The following TAFA5 variants were observed in gnomAD, a reference collection of about 807,000 sequenced individuals.
TAFA5 encodes chemokine-like protein TAFA-5.
In TAFA5, 6 loss-of-function variants were observed where a neutral mutation model predicts 15.3. The observed-to-expected ratio is 0.39, with a 90% CI of 0.21 to 0.77. The LOEUF is 0.77. Ranked by LOEUF, TAFA5 falls within the 30% of genes least tolerant of loss-of-function variation. The pLI is 0.41. For missense variants in TAFA5, 161 were observed against 193.1 expected, an observed-to-expected ratio of 0.83 and a Z score of 0.98; for synonymous variants, 103 against 80.7, an observed-to-expected ratio of 1.28 and a Z score of -1.48.
intron 2 of TAFA5, among the ~76,000 whole-genome samples, chr22:48,659,106 C>T (rs1167052619): frequency 2.6e-5 from 4 of 152,226 alleles, no homozygotes; most frequent in African/African-American, 4.8e-5. Context: ...CTGGACCCCG[C>T]GGCGGAGGAT....
chr22:48,670,151 G>A (rs544750099), intron 2 of TAFA5, among the ~76,000 whole-genome samples: 3 of 152,322 alleles, frequency 2.0e-5, no homozygotes, highest in South Asian at 2.1e-4. Flanking sequence ...CGGGCTGTGC[G>A]TGTGCTTAGG....
chr22:48,508,500 C>T (rs752894486), intron 1 of TAFA5, among the ~76,000 whole-genome samples: 104 of 152,260 alleles, frequency 6.8e-4, no homozygotes, highest in Admixed American at 1.9e-3. Flanking sequence ...AGGCGGTGGG[C>T]GCCCTGAGGC....
At chr22:48,586,467 A>G (rs1924365434) in intron 1 of TAFA5, among the ~76,000 whole-genome samples, 1 of 152,158 alleles carries the variant, frequency 6.6e-6, no homozygotes, top group Non-Finnish European at 1.5e-5. Flanking sequence ...TGATAAAAGG[A>G]GTGGAAGCCC....
intron 1 of TAFA5, among the ~76,000 whole-genome samples, chr22:48,582,789 C>G (rs1262805470): frequency 6.7e-6 from 1 of 149,292 alleles, no homozygotes; most frequent in Non-Finnish European, 1.5e-5. Context: ...ACACCACACA[C>G]AAAATACACC....
chr22:48,517,574 T>A (rs9615915), intron 1 of TAFA5, among the ~76,000 whole-genome samples: 35,297 of 152,126 alleles, frequency 0.23, 4,588 homozygotes, highest in Middle Eastern at 0.31. Context: ...CCACTGAGGA[T>A]CCTGGGCTGC....
chr22:48,571,150 T>A (rs537790481), intron 1 of TAFA5, among the ~76,000 whole-genome samples: 4 of 152,184 alleles, frequency 2.6e-5, no homozygotes, highest in Non-Finnish European at 5.9e-5. Context: ...AGGTCTTCTA[T>A]CTTTTCCCAT....
intron 2 of TAFA5, among the ~76,000 whole-genome samples, chr22:48,704,200 G>A (rs942048434): frequency 1.3e-5 from 2 of 150,108 alleles, no homozygotes; most frequent in African/African-American, 2.5e-5. Context: ...ACACACACGC[G>A]CACACACACA....
chr22:48,560,649 G>A lies in TAFA5; in HGVS notation c.112+70945G>A, dbSNP rs1192225582. Among the ~76,000 whole-genome samples, 1 of 151,460 alleles carries A rather than the reference G, an allele frequency of 6.6e-6. No individual in the cohort carries two copies. The highest frequency in any genetic ancestry group is 1.5e-5 in the Non-Finnish European group (1 of 67,902). On this transcript the variant is annotated intron_variant, in intron 1 of 3. Coordinates refer to ENST00000402357, the MANE Select transcript of TAFA5 (RefSeq NM_001082967.3). This position sits in a 1 kb window ranked among gnomAD's most constrained non-coding sequence, Gnocchi z 4.2. ...TTTGAGATGGAGTTTCGCTCTTGTT[G>A]CCCAGGCGGGAGTGCAGTGGTGCTA...
At chr22:48,749,219 C>T (rs1930411733) in intron 3 of TAFA5, among the ~76,000 whole-genome samples, 1 of 152,216 alleles carries the variant, frequency 6.6e-6, no homozygotes, top group Non-Finnish European at 1.5e-5. Context: ...GATCCTCCAG[C>T]AGGAACAGGC....
intron 3 of TAFA5, among the ~76,000 whole-genome samples, chr22:48,731,090 G>T (rs531955289): frequency 6.6e-6 from 1 of 152,284 alleles, no homozygotes; most frequent in South Asian, 2.1e-4. Flanking sequence ...GATAAGAAAG[G>T]GATAGAAAGT....
intron 1 of TAFA5, among the ~76,000 whole-genome samples, chr22:48,584,040 A>C (rs1242264557): frequency 6.8e-6 from 1 of 146,420 alleles, no homozygotes; most frequent in African/African-American, 2.5e-5. Context: ...ACCACACACA[A>C]AATACACCAC....
At chr22:48,681,222 C>T (rs28546509) in intron 2 of TAFA5, among the ~76,000 whole-genome samples, 2,783 of 152,240 alleles carry the variant, frequency 0.018, 88 homozygotes, top group African/African-American at 0.064. Context: ...CCAAGGAAAG[C>T]ACATCCAAAT....
At chr22:48,544,598 A>G (rs1187073022) in intron 1 of TAFA5, 1 of 433,576 alleles carries the variant, frequency 2.3e-6, no homozygotes, top group Non-Finnish European at 4.8e-6. Flanking sequence ...AGAGCTGCAC[A>G]GAGCGGCACA....
chr22:48,721,288 A>G (rs130173), intron 3 of TAFA5, among the ~76,000 whole-genome samples: 71,659 of 152,014 alleles, frequency 0.47, 17,734 homozygotes, highest in African/African-American at 0.54. Context: ...CCGTGCCACC[A>G]TTTCAGCCCG....
Position 48,489,746 on chromosome 22 carries a change from C to A in TAFA5, c.112+42C>A. 3.2e-6 allele frequency: 4 copies of A among 1,237,778 alleles called. No individual in the cohort carries two copies. Among genetic ancestry groups the A allele is most frequent in the Non-Finnish European group, 4.2e-6 (4 of 946,092 alleles). The allele number at this position is 1,237,778 out of a possible 1,614,324, so 76.7% of individuals were successfully genotyped here. Reference sequence around the variant, plus strand: ...CCCGGCCCCGGCACGGCCCTCTGGGCCCCGGACCCCCTCCTCCGGCCCCGG... The same window carrying A: ...CCCGGCCCCGGCACGGCCCTCTGGGACCCGGACCCCCTCCTCCGGCCCCGG... On this transcript the variant is annotated intron_variant, in intron 1 of 3. Transcript: ENST00000402357. The surrounding 1 kb of genome is among the most constrained non-coding windows in gnomAD (Gnocchi z 5.5).
chr22:48,602,281 C>G (rs1436124850), intron 1 of TAFA5, among the ~76,000 whole-genome samples: 1 of 152,212 alleles, frequency 6.6e-6, no homozygotes, highest in East Asian at 1.9e-4. Flanking sequence ...AGGCACCCAC[C>G]TTTCCGGGGC....
At position 48,639,005 on chromosome 22, in the gene TAFA5, C is replaced by T. The variant is rs551731005; in HGVS notation, c.113-7592C>T. Among the ~76,000 whole-genome samples, 4 of 151,742 alleles carry T rather than the reference C, an allele frequency of 2.6e-5. No homozygotes were observed. The South Asian group carries it at 8.4e-4, about 32-fold the overall frequency. ...ACCCCGACACTAAGCCCTGGGACAC[C>T]GCACACAGGCGGGACCCCGACACTA... On this transcript the variant is annotated intron_variant, in intron 1 of 3. Transcript: ENST00000402357.
chr22:48,595,118 A>C (rs1267932677), intron 1 of TAFA5, among the ~76,000 whole-genome samples: 3 of 152,032 alleles, frequency 2.0e-5, no homozygotes. Flanking sequence ...TAGGCCCCTG[A>C]GTGTGGCCCT....
Position 48,642,996 on chromosome 22 carries a change from T to C in TAFA5, c.113-3601T>C, listed in dbSNP as rs1193108078. 5.3e-5 allele frequency among the ~76,000 whole-genome samples: 8 copies of C among 152,138 alleles called. No homozygotes were observed. The East Asian group carries it at 1.6e-3, about 29-fold the overall frequency. ...GGCCACTCAGGTATTGGGCTAAGTG[T>C]TCTCATTTGGGGAATGGGACCCTGG... On this transcript the variant is annotated intron_variant, in intron 1 of 3. Transcript: ENST00000402357.
Sources: gnomAD v4.1 joint callset for allele counts (sites outside exome capture counted in the v4.1 genomes callset) on GRCh38, gnomAD v4.1.1 for gene constraint, Gnocchi (gnomAD v3.1) non-coding constraint, MANE v1.5 for transcripts, NCBI Gene and HGNC (gene_info 2026-07-23, HGNC 2026-07-21) for gene names.